Variants in SLC12A7 observed in about 807,000 individuals in gnomAD.
SLC12A7 encodes solute carrier family 12 member 7.
Under a neutral mutation model 120.6 loss-of-function variants are expected in SLC12A7, and 100 were observed. That is an observed-to-expected ratio of 0.83 (90% CI 0.71 to 0.98). The LOEUF is 0.98. Among genes scored for constraint, SLC12A7 ranks in the 50% least tolerant of loss-of-function variants. The probability of loss-of-function intolerance (pLI) is 0.00; values close to 1 mark genes in which losing one functional copy is unlikely to be tolerated. For synonymous variants in SLC12A7, 760 were observed against 678.0 expected (o/e 1.12, Z -1.88); for missense variants, 1,373 against 1,548.1 (o/e 0.89, Z 1.90).
chr5:1,065,571 TCC>T, intron 17 of SLC12A7, 93 bp from the exon 18 acceptor site: 1 of 1,002,992 alleles, frequency 1.0e-6, no homozygotes, highest in Non-Finnish European at 1.4e-6. Flanking sequence ...CCGCACCACC[TCC>T]CCTGTGGACC....
the SLC12A7 span, among the ~76,000 whole-genome samples, chr5:1,146,579 G>A: frequency 6.6e-6 from 1 of 152,210 alleles, no homozygotes; most frequent in East Asian, 1.9e-4. This position sits in a 1 kb window ranked among gnomAD's most constrained non-coding sequence, Gnocchi z 6.5. Context: ...ACGGGAAGCG[G>A]TGGTCGGCCA....
upstream of SLC12A7, among the ~76,000 whole-genome samples, chr5:1,115,285 T>C (rs1743270930): frequency 1.4e-5 from 2 of 141,982 alleles, no homozygotes; most frequent in African/African-American, 5.2e-5. Flanking sequence ...AAACAGTCCC[T>C]GCTGCCTGCC....
upstream of SLC12A7, among the ~76,000 whole-genome samples, chr5:1,113,142 A>C (rs1390542929): frequency 6.6e-6 from 1 of 152,210 alleles, no homozygotes; most frequent in Non-Finnish European, 1.5e-5. Flanking sequence ...AATTGGGCTA[A>C]AATGCTATGG....
the SLC12A7 span, among the ~76,000 whole-genome samples, chr5:1,121,477 C>T: frequency 2.7e-4 from 41 of 152,214 alleles, no homozygotes; most frequent in East Asian, 3.8e-4. Flanking sequence ...CATTCCTCTC[C>T]GGTGGAATGC....
At chr5:1,087,309 C>T (rs1739977748) in intron 5 of SLC12A7, among the ~76,000 whole-genome samples, 1 of 152,202 alleles carries the variant, frequency 6.6e-6, no homozygotes, top group Admixed American at 6.5e-5. Flanking sequence ...GCAGGAGGCC[C>T]CAGCAGGTCC....
chr5:1,119,938 G>A, the SLC12A7 span, among the ~76,000 whole-genome samples: 33 of 152,354 alleles, frequency 2.2e-4, no homozygotes, highest in African/African-American at 7.7e-4. Context: ...GGCTGAAGGC[G>A]CACAGGTGTC....
In SLC12A7 at chr5:1,094,209, T is replaced by A. The variant is rs777466229; in HGVS notation, c.164A>T (p.Asn55Ile). 1.9e-6 allele frequency: 3 copies of A among 1,613,410 alleles called. No individual in the cohort carries two copies. Among genetic ancestry groups the A allele is most frequent in the Non-Finnish European group, 2.5e-6 (3 of 1,179,628 alleles). The change falls in exon 2 of 24, where the codon AAT becomes ATT. Residue 55 changes from asparagine to isoleucine, a missense_variant. Physicochemically the swap from Asn to Ile is moderately radical, Grantham distance 149. Transcript: ENST00000264930. ...GAAGCTCTCTTGTTCCACCTCGACA[T>A]TGTTGAGGAATGGGCTGTTTTCTCT... ...NPRENSPFLN[N>I]VEVEQESFFE...
chr5:1,075,966 A>G lies in SLC12A7; in HGVS notation c.1847+172T>C. The stretch of plus-strand genomic sequence containing the variant: ...GCGCAGGGGCTTACTCCGCAAAGGA[A>G]CAGTCAAGGACGCGCTGGGGTCTTC... On this transcript the variant is annotated intron_variant, in intron 14 of 23. Coordinates refer to ENST00000264930, the MANE Select transcript of SLC12A7 (RefSeq NM_006598.3). 6.7e-6 allele frequency: 4 copies of G among 592,978 alleles called. No homozygotes were observed. The South Asian group carries it at 8.6e-5, about 13-fold the overall frequency. 36.7% of individuals were successfully genotyped at this position (592,978 alleles called of 1,614,324 possible).
At chr5:1,141,464 G>C in the SLC12A7 span, among the ~76,000 whole-genome samples, 1,682 of 97,144 alleles carry the variant, frequency 0.017, 32 homozygotes, top group African/African-American at 0.048. Flanking sequence ...ATGGGCACCA[G>C]AGCCGCCACG....
At chr5:1,091,769 G>A (rs541302435) in intron 3 of SLC12A7, among the ~76,000 whole-genome samples, 4 of 151,062 alleles carry the variant, frequency 2.6e-5, no homozygotes, top group Non-Finnish European at 5.9e-5. Flanking sequence ...GCGTCCACGT[G>A]CAGAAAGGTG....
At position 1,078,836 on chromosome 5, in the gene SLC12A7, G is replaced by A. The variant is rs1447731326; in HGVS notation, c.1397-78C>T. 2.4e-5 allele frequency: 15 copies of A among 625,652 alleles called. No homozygotes were observed. In the East Asian group the frequency reaches 3.9e-4, roughly 16 times the overall value. The allele number at this position is 625,652 out of a possible 1,614,324, so 38.8% of individuals were successfully genotyped here. A position where few individuals can be genotyped will look rare whatever the true frequency, so the allele number is the denominator to read the frequency against. On this transcript the variant is annotated intron_variant, in intron 10 of 23. Coordinates refer to ENST00000264930, the MANE Select transcript of SLC12A7 (RefSeq NM_006598.3). ...CGGGGGGTGGGGTGGGGTGGGGTGG[G>A]GTGGGTGGGGAGATGCACTGGCCAG...
the SLC12A7 span, among the ~76,000 whole-genome samples, chr5:1,137,070 C>G: frequency 6.9e-6 from 1 of 145,410 alleles, no homozygotes; most frequent in Non-Finnish European, 1.5e-5. Context: ...TGCAGACACA[C>G]GTGTGTCTAC....
At chr5:1,100,050 C>T (rs946694622) in intron 1 of SLC12A7, among the ~76,000 whole-genome samples, 21 of 152,248 alleles carry the variant, frequency 1.4e-4, no homozygotes, top group African/African-American at 5.1e-4. Flanking sequence ...GAAGGCATGG[C>T]ATTTCAACCC....
chr5:1,123,623 C>T, the SLC12A7 span, among the ~76,000 whole-genome samples: 3 of 152,358 alleles, frequency 2.0e-5, no homozygotes, highest in East Asian at 1.9e-4. Context: ...CAGAAGTGGG[C>T]GTTCCCCGCT....
At position 1,050,987 on chromosome 5, in the gene SLC12A7, A is replaced by G; in HGVS notation, c.*1373T>C. The G allele has an allele frequency of 2.5e-6, 1 of 398,638 alleles. No homozygotes were observed. Among genetic ancestry groups the G allele is most frequent in the Non-Finnish European group, 4.4e-6 (1 of 226,050 alleles). The allele number at this position is 398,638 out of a possible 1,614,324, so 24.7% of individuals were successfully genotyped here. ...CAAGGCCTGGCCATCTGGGGCCTCT[A>G]GTATATAGAAGCAACCTCTTTATGG... On this transcript the variant is annotated 3_prime_UTR_variant, in exon 24 of 24. Transcript: ENST00000264930.
chr5:1,107,259 C>A (rs970460346), intron 1 of SLC12A7, among the ~76,000 whole-genome samples: 7 of 152,358 alleles, frequency 4.6e-5, no homozygotes, highest in Admixed American at 4.6e-4. Context: ...GTAGCCTTAA[C>A]CTCGGCAAAT....
chr5:1,144,244 G>C, the SLC12A7 span, among the ~76,000 whole-genome samples: 1 of 152,224 alleles, frequency 6.6e-6, no homozygotes. Flanking sequence ...GGCGGGAGAG[G>C]ATGGTGTCTG....
the SLC12A7 span, among the ~76,000 whole-genome samples, chr5:1,155,329 T>G: frequency 6.6e-6 from 1 of 151,968 alleles, no homozygotes; most frequent in African/African-American, 2.4e-5. Context: ...CAGGGCCCCT[T>G]TTCTGCCTGG....
chr5:1,063,197 A>G (rs1255424980), intron 20 of SLC12A7, among the ~76,000 whole-genome samples: 1 of 152,190 alleles, frequency 6.6e-6, no homozygotes, highest in East Asian at 1.9e-4. Context: ...GGCCCTGCCT[A>G]TAGCTGACCG....
Sources: gnomAD v4.1 joint callset for allele counts (sites outside exome capture counted in the v4.1 genomes callset) on GRCh38, gnomAD v4.1.1 for gene constraint, Gnocchi (gnomAD v3.1) non-coding constraint, MANE v1.5 for transcripts, NCBI Gene and HGNC (gene_info 2026-07-23, HGNC 2026-07-21) for gene names.